The following CEP112 variants were observed in gnomAD, a reference collection of about 807,000 sequenced individuals.
CEP112 encodes centrosomal protein of 112 kDa.
CEP112 carries 127 observed loss-of-function variants against 153.0 expected under a neutral mutation model. The observed-to-expected ratio is 0.83, with a 90% CI of 0.72 to 0.96. CEP112 has a LOEUF of 0.96. Among genes scored for constraint, CEP112 ranks in the 40% least tolerant of loss-of-function variants. The pLI, the probability that CEP112 is intolerant of heterozygous loss-of-function variation, is 0.00. For synonymous variants in CEP112, 358 were observed against 374.4 expected, an observed-to-expected ratio of 0.96 and a Z score of 0.51; for missense variants, 1,089 against 1,101.2, an observed-to-expected ratio of 0.99 and a Z score of 0.16.
chr17:65,842,551 C>T lies in CEP112; in HGVS notation c.2394+9253G>A, dbSNP rs9890367. On this transcript the variant is annotated intron_variant, in intron 21 of 26. Coordinates refer to ENST00000535342, the MANE Select transcript of CEP112 (RefSeq NM_001199165.4). ...CCACACTGACATTGAGCTTTGTAGT[C>T]CCTCTCAGGTAAGGATGATAGACCT... 3.1e-3 allele frequency among the ~76,000 whole-genome samples: 479 copies of T among 152,256 alleles called. 3 individuals carry two copies. The highest frequency in any genetic ancestry group is 0.011 in the African/African-American group (455 of 41,566).
intron 23 of CEP112, among the ~76,000 whole-genome samples, chr17:65,741,251 T>A (rs1405217655): frequency 1.3e-5 from 2 of 152,134 alleles, no homozygotes; most frequent in Non-Finnish European, 2.9e-5. Flanking sequence ...TATCAGCTGT[T>A]ATTCACAGTA....
At chr17:66,174,696 T>C (rs924878047) in intron 4 of CEP112, among the ~76,000 whole-genome samples, 7 of 152,212 alleles carry the variant, frequency 4.6e-5, no homozygotes, top group African/African-American at 1.7e-4. Context: ...GGGTTTACGC[T>C]TACATTCATT....
chr17:66,046,875 C>T (rs1233693675), intron 12 of CEP112, among the ~76,000 whole-genome samples: 1 of 152,122 alleles, frequency 6.6e-6, no homozygotes, highest in South Asian at 2.1e-4. Flanking sequence ...CCCGCAGCCA[C>T]CAGAAGCTCC....
At chr17:65,810,260 T>C (rs2055868027) in intron 21 of CEP112, among the ~76,000 whole-genome samples, 1 of 152,050 alleles carries the variant, frequency 6.6e-6, no homozygotes, top group Non-Finnish European at 1.5e-5. Flanking sequence ...CATTTACTGG[T>C]AGTTGAATAT....
At chr17:66,179,601 G>C (rs1293400301) in intron 2 of CEP112, among the ~76,000 whole-genome samples, 4 of 152,032 alleles carry the variant, frequency 2.6e-5, no homozygotes, top group African/African-American at 9.7e-5. Flanking sequence ...GAGTCTTTAG[G>C]TATTTCCAAT....
intron 23 of CEP112, among the ~76,000 whole-genome samples, chr17:65,732,928 G>A (rs1481958346): frequency 6.6e-6 from 1 of 152,198 alleles, no homozygotes; most frequent in East Asian, 1.9e-4. Context: ...TGCCATTCAT[G>A]TGTTCACTGG....
At chr17:66,087,181 T>C (rs1431384683) in intron 8 of CEP112, among the ~76,000 whole-genome samples, 1 of 152,112 alleles carries the variant, frequency 6.6e-6, no homozygotes, top group African/African-American at 2.4e-5. Flanking sequence ...AAAAATAAAG[T>C]CAAACACATT....
At chr17:66,053,944 G>A (rs1401048) in intron 11 of CEP112, 65 bp from the exon 12 acceptor site, 780,274 of 1,381,738 alleles carry the variant, frequency 0.56, 228,206 homozygotes, top group African/African-American at 0.68. Context: ...GTAATTCAGC[G>A]GAAAAAATGG....
At chr17:66,105,545 G>A (rs918991046) in intron 6 of CEP112, among the ~76,000 whole-genome samples, 3 of 152,148 alleles carry the variant, frequency 2.0e-5, no homozygotes, top group African/African-American at 7.2e-5. Context: ...TGTAATCCCA[G>A]CACTTTGGGA....
intron 21 of CEP112, among the ~76,000 whole-genome samples, chr17:65,849,038 G>A (rs2057827563): frequency 6.6e-6 from 1 of 152,032 alleles, no homozygotes. Flanking sequence ...AAAACCTTTG[G>A]CAACTCCTCA....
At chr17:65,833,348 C>G (rs1284477391) in intron 21 of CEP112, among the ~76,000 whole-genome samples, 1 of 152,096 alleles carries the variant, frequency 6.6e-6, no homozygotes, top group African/African-American at 2.4e-5. Flanking sequence ...ATTGGAAGTC[C>G]TAGCCAGAGC....
intron 16 of CEP112, among the ~76,000 whole-genome samples, chr17:66,015,497 G>T (rs2064730545): frequency 6.6e-6 from 1 of 152,056 alleles, no homozygotes; most frequent in South Asian, 2.1e-4. Flanking sequence ...CTGAGGCTTT[G>T]CACATTCAAA....
intron 4 of CEP112, among the ~76,000 whole-genome samples, chr17:66,170,583 G>T (rs566849347): frequency 6.6e-6 from 1 of 151,964 alleles, no homozygotes; most frequent in East Asian, 1.9e-4. Flanking sequence ...TGGCCAACAT[G>T]GTGAAACCAT....
intron 24 of CEP112, chr17:65,655,162 G>T: frequency 2.7e-6 from 2 of 754,524 alleles, no homozygotes; most frequent in East Asian, 2.5e-5. Context: ...AAAAGTGTAT[G>T]TAGGCAGAAA....
intron 6 of CEP112, among the ~76,000 whole-genome samples, chr17:66,112,569 T>C (rs2069106298): frequency 6.6e-6 from 1 of 152,198 alleles, no homozygotes; most frequent in African/African-American, 2.4e-5. Context: ...TTGGTACTTT[T>C]ACTCAGGGAA....
intron 21 of CEP112, among the ~76,000 whole-genome samples, chr17:65,774,468 G>A (rs62065060): frequency 7.9e-5 from 12 of 152,164 alleles, no homozygotes; most frequent in East Asian, 1.9e-4. Flanking sequence ...GCTTGGCAGC[G>A]TGTGTTCAAG....
chr17:65,829,701 G>A (rs1407382254), intron 21 of CEP112, among the ~76,000 whole-genome samples: 1 of 152,016 alleles, frequency 6.6e-6, no homozygotes, highest in Non-Finnish European at 1.5e-5. Flanking sequence ...TGTCAAAAAA[G>A]CACTCATTTA....
rs145583559 is a variant in CEP112, at chr17:65,896,943, CT to C, written c.2163+5208del. On this transcript the variant is annotated intron_variant, in intron 20 of 26. Transcript: ENST00000535342. ...CAAAATTAAAGTGAAATAATAAAAA[CT>C]TTTCCCACCAACCTTCTAATGCCTA... Among the ~76,000 whole-genome samples the C allele has an allele frequency of 7.8e-3, 1,189 of 152,092 alleles. 18 individuals carry two copies. The highest frequency in any genetic ancestry group is 0.027 in the African/African-American group (1,124 of 41,490).
At chr17:65,816,411 A>T (rs1469470305) in intron 21 of CEP112, among the ~76,000 whole-genome samples, 1 of 151,814 alleles carries the variant, frequency 6.6e-6, no homozygotes, top group African/African-American at 2.4e-5. Flanking sequence ...CACTGCACCC[A>T]ATTTGTAGTC....
Sources: gnomAD v4.1 joint callset for allele counts (sites outside exome capture counted in the v4.1 genomes callset) on GRCh38, gnomAD v4.1.1 for gene constraint, MANE v1.5 for transcripts, NCBI Gene and HGNC (gene_info 2026-07-23, HGNC 2026-07-21) for gene names.